Variants in NUDT12 observed in about 807,000 individuals in gnomAD.
The protein encoded by NUDT12 is NAD-capped RNA hydrolase NUDT12.
Under a neutral mutation model 45.7 loss-of-function variants are expected in NUDT12, and 42 were observed. That is an observed-to-expected ratio of 0.92 (90% CI 0.72 to 1.19). The LOEUF (loss-of-function observed/expected upper bound fraction) is 1.19, where lower values mean the gene tolerates loss of function less well. Among genes scored for constraint, NUDT12 ranks in the 50% most tolerant of loss-of-function variants. The pLI is 0.00. For synonymous variants in NUDT12, 206 were observed against 179.7 expected, an observed-to-expected ratio of 1.15 and a Z score of -1.17; for missense variants, 590 against 533.1, an observed-to-expected ratio of 1.11 and a Z score of -1.05.
At chr5:103,559,527 C>T (rs1240913365) in intron 2 of NUDT12, 59 bp from the exon 3 acceptor site, 35 of 825,310 alleles carry the variant, frequency 4.2e-5, no homozygotes, top group African/African-American at 1.6e-4. Flanking sequence ...ACACTTTCTC[C>T]GTATTTATTT....
intron 2 of NUDT12, chr5:103,559,723 T>C (rs1195025858): frequency 2.2e-6 from 1 of 463,632 alleles, no homozygotes; most frequent in Non-Finnish European, 3.8e-6. Context: ...AGTATTAAGC[T>C]TTATGCACTA....
At position 103,550,917 on chromosome 5, in the gene NUDT12, G is replaced by A. The variant is rs749955180; in HGVS notation, c.1333C>T (p.Arg445Ter). Reference sequence around the variant, plus strand: ...TTGATTAATTGATGTGCAATAGCTCGGCTTGGTGGCACAAAGAATGCCTGC... The same window carrying A: ...TTGATTAATTGATGTGCAATAGCTCAGCTTGGTGGCACAAAGAATGCCTGC... ...KQQAFFVPPS[R>*]AIAHQLIKHW... Residue 445 changes from arginine (R) to a stop codon, truncating the protein, a stop_gained, in exon 7 of 7, where the codon CGA (arginine) becomes TGA (stop). Transcript: ENST00000230792. LOFTEE classifies it high-confidence loss of function. 9 of 1,613,514 alleles carry A rather than the reference G, an allele frequency of 5.6e-6. No homozygotes were observed. The highest frequency in any genetic ancestry group is 1.7e-5 in the Admixed American group (1 of 59,864).
rs1481313296 is a variant in NUDT12 at position 103,549,249 on chromosome 5, T to A, written c.*1612A>T. 6.6e-6 allele frequency: 1 copy of A among 152,076 alleles called. No individual in the cohort carries two copies. Among genetic ancestry groups the A allele is most frequent in the Non-Finnish European group, 1.5e-5 (1 of 67,930 alleles). The allele number at this position is 152,076 out of a possible 1,614,324, so 9.4% of individuals were successfully genotyped here. ...GTACATTATTTTCCATATACTTATG[T>A]AGCTCGAATTTTATTATGTATCTAA... On this transcript the variant is annotated 3_prime_UTR_variant, in exon 7 of 7. Transcript: ENST00000230792.
In NUDT12 at chr5:103,559,402, A is replaced by G; in HGVS notation, c.273T>C (p.Tyr91=). The change falls in exon 3 of 7, where the codon TAT becomes TAC. Residue 91 remains tyrosine, a synonymous_variant. Coordinates refer to ENST00000230792, the MANE Select transcript of NUDT12 (RefSeq NM_031438.4). The part of the protein sequence containing the change: ...TALDIAVFWG[Y]KHIANLLATA... The stretch of plus-strand genomic sequence containing the variant: ...TAGCTAGTAAATTAGCTATATGCTT[A>G]TAACCCCAAAATACAGCAATGTCCA... The G allele has an allele frequency of 6.2e-7, 1 of 1,611,798 alleles. No individual in the cohort carries two copies. The highest frequency in any genetic ancestry group is 8.5e-7 in the Non-Finnish European group (1 of 1,179,080).
chr5:103,556,009 C>T lies in NUDT12; in HGVS notation c.886G>A (p.Gly296Ser). 1 of 1,611,670 alleles carries T rather than the reference C, an allele frequency of 6.2e-7. No individual in the cohort carries two copies. The highest frequency in any genetic ancestry group is 8.5e-7 in the Non-Finnish European group (1 of 1,178,482). ...TTTAAACATAATCTCTTATAGCCAC[C>T]TTCTTCAATTTTAGTTGCATTTCCA... ...TCGNATKIEE[G>S]GYKRLCLKED... The change falls in exon 4 of 7, where the codon GGT becomes AGT. Residue 296 changes from glycine (G) to serine (S), a missense_variant. Gly to Ser is a moderately conservative substitution (Grantham distance 56). Transcript: ENST00000230792.
chr5:103,557,293 A>G (rs1398470393), intron 3 of NUDT12, among the ~76,000 whole-genome samples: 5 of 145,264 alleles, frequency 3.4e-5, no homozygotes, highest in Non-Finnish European at 4.6e-5. Flanking sequence ...ATATATATAT[A>G]TATATATATA....
intron 1 of NUDT12, among the ~76,000 whole-genome samples, chr5:103,561,717 C>T (rs1749037596): frequency 6.6e-6 from 1 of 152,150 alleles, no homozygotes. Context: ...TTTCCAAAAA[C>T]CCATATTATA....
intron 4 of NUDT12, 62 bp downstream of exon 4, chr5:103,555,869 T>C: frequency 7.6e-7 from 1 of 1,309,374 alleles, no homozygotes; most frequent in Non-Finnish European, 1.0e-6. Flanking sequence ...ACAAATTTTC[T>C]CTTTCCAAAA....
chr5:103,556,929 G>T (rs1055467186), intron 3 of NUDT12, among the ~76,000 whole-genome samples: 3 of 151,910 alleles, frequency 2.0e-5, no homozygotes, highest in African/African-American at 7.2e-5. Flanking sequence ...CAGTTGTAAT[G>T]AATAGACAAC....
At position 103,559,124 on chromosome 5, in the gene NUDT12, A is replaced by G; in HGVS notation, c.551T>C (p.Ile184Thr). Residue 184 changes from isoleucine to threonine, a missense_variant, in exon 3 of 7, where the codon ATA becomes ACA. Coordinates refer to ENST00000230792, the MANE Select transcript of NUDT12 (RefSeq NM_031438.4). ...CTCAGGCTGGGCCAAATAATCCTTT[A>G]TATCTGTGTAGTTCAGCTGACAAAG... The part of the protein sequence containing the change: ...VRLCQLNYTD[I>T]KDYLAQPEKI... The G allele has an allele frequency of 1.2e-6, 2 of 1,600,844 alleles. No individual in the cohort carries two copies. The highest frequency in any genetic ancestry group is 1.1e-5 in the South Asian group (1 of 88,176).
In NUDT12 at chr5:103,550,856, T is replaced by G; in HGVS notation, c.*5A>C. ...TAAATAATACTCAAAGCTTAGTTCT[T>G]AGATTTAGAGATTAGGATTTATTCT... On this transcript the variant is annotated 3_prime_UTR_variant, in exon 7 of 7. Transcript: ENST00000230792. The G allele has an allele frequency of 6.3e-7, 1 of 1,578,950 alleles. No homozygotes were observed. Among genetic ancestry groups the G allele is most frequent in the Non-Finnish European group, 8.7e-7 (1 of 1,148,380 alleles).
chr5:103,557,280 G>GGTATAGATATATATATATATAT, intron 3 of NUDT12, among the ~76,000 whole-genome samples: 1 of 118,934 alleles, frequency 8.4e-6, no homozygotes, highest in Non-Finnish European at 1.8e-5. Context: ...ATCTTAAAAT[G>GGTATAGATATATATATATATAT]ATATATATAT....
Position 103,549,281 on chromosome 5 carries a change from T to G in NUDT12, c.*1580A>C, listed in dbSNP as rs975586138. ...AATTTTATTATGTATCTAAATGTCC[T>G]CTGTCAGTTTTAATTTGGTTTAAAT... On this transcript the variant is annotated 3_prime_UTR_variant, in exon 7 of 7. Transcript: ENST00000230792. 6.6e-6 allele frequency: 1 copy of G among 152,040 alleles called. No homozygotes were observed. The highest frequency in any genetic ancestry group is 1.5e-5 in the Non-Finnish European group (1 of 67,926). The allele number at this position is 152,040 out of a possible 1,614,324, so 9.4% of individuals were successfully genotyped here.
At chr5:103,552,086 A>G in intron 6 of NUDT12, 131 bp downstream of exon 6, 1 of 659,272 alleles carries the variant, frequency 1.5e-6, no homozygotes, top group Non-Finnish European at 2.7e-6. Context: ...ACTAATTACC[A>G]TGTAATCCAT....
At chr5:103,553,078 T>G (rs1276671420) in intron 5 of NUDT12, among the ~76,000 whole-genome samples, 2 of 152,064 alleles carry the variant, frequency 1.3e-5, no homozygotes, top group Non-Finnish European at 2.9e-5. Flanking sequence ...TTTAGAAACA[T>G]TTTGCTAAAT....
Position 103,560,174 on chromosome 5 carries a change from A to T in NUDT12, c.75T>A (p.Ile25=). Residue 25 remains isoleucine, a synonymous_variant, in exon 2 of 7, where the codon ATT becomes ATA. Coordinates refer to ENST00000230792, the MANE Select transcript of NUDT12 (RefSeq NM_031438.4). ...QFHCSAAEGD[I]AKLTGILSHS... ...GACTGAGTATTCCTGTTAACTTGGCAATATCTCCTTCAGCAGCTGAACAGT... is the reference window on the plus strand; with the variant it reads ...GACTGAGTATTCCTGTTAACTTGGCTATATCTCCTTCAGCAGCTGAACAGT... 6.2e-7 allele frequency: 1 copy of T among 1,613,822 alleles called. No individual in the cohort carries two copies. The highest frequency in any genetic ancestry group is 8.5e-7 in the Non-Finnish European group (1 of 1,179,716).
chr5:103,560,658 A>G (rs1031175642), intron 1 of NUDT12, among the ~76,000 whole-genome samples: 2 of 152,230 alleles, frequency 1.3e-5, no homozygotes, highest in Admixed American at 1.3e-4. Context: ...TATAAGTTTC[A>G]CAGGAAAACA....
intron 3 of NUDT12, 91 bp from the exon 4 acceptor site, chr5:103,556,189 A>T: frequency 1.2e-6 from 1 of 855,368 alleles, no homozygotes; most frequent in Non-Finnish European, 1.6e-6. Flanking sequence ...CAATAAGAAT[A>T]GCTGTGTGAT....
chr5:103,558,482 A>G (rs1748905528), intron 3 of NUDT12, among the ~76,000 whole-genome samples: 1 of 152,164 alleles, frequency 6.6e-6, no homozygotes, highest in African/African-American at 2.4e-5. Flanking sequence ...AATATTTTAA[A>G]CACAGGTTAG....
Sources: allele counts gnomAD v4.1 joint callset (sites outside exome capture counted in the v4.1 genomes callset), GRCh38; gene constraint gnomAD v4.1.1; transcripts MANE v1.5; gene names NCBI Gene and HGNC (gene_info 2026-07-23, HGNC 2026-07-21).